TENM2: variants seen among roughly 807,000 people sequenced by gnomAD.
The protein encoded by TENM2 is teneurin transmembrane protein 2, also known as teneurin-2.
Under a neutral mutation model 245.2 loss-of-function variants are expected in TENM2, and 52 were observed. That is an observed-to-expected ratio of 0.21 (90% CI 0.17 to 0.27). The LOEUF is 0.27. Ranked by LOEUF, TENM2 falls within the 10% of genes least tolerant of loss-of-function variation. The probability of loss-of-function intolerance (pLI) is 1.00; values close to 1 mark genes in which losing one functional copy is unlikely to be tolerated. For synonymous variants in TENM2, 1,363 were observed against 1,438.9 expected (o/e 0.95, Z 1.19); for missense variants, 3,046 against 3,666.8 (o/e 0.83, Z 4.37).
chr5:167,017,004 G>A, the TENM2 span, among the ~76,000 whole-genome samples: 1 of 152,272 alleles, frequency 6.6e-6, no homozygotes, highest in Middle Eastern at 3.4e-3. Flanking sequence ...CTAGCAAGAG[G>A]GAAGGGAATT....
At chr5:167,098,773 A>G in the TENM2 span, among the ~76,000 whole-genome samples, 1 of 152,230 alleles carries the variant, frequency 6.6e-6, no homozygotes, top group Non-Finnish European at 1.5e-5. Flanking sequence ...ACAGAAACCA[A>G]AGTGATGCAC....
At chr5:167,914,342 C>A (rs930674094) in intron 3 of TENM2, among the ~76,000 whole-genome samples, 1 of 152,198 alleles carries the variant, frequency 6.6e-6, no homozygotes, top group Non-Finnish European at 1.5e-5. Flanking sequence ...CCAAAGGACG[C>A]CTGCATTCCT....
At chr5:168,035,046 A>G (rs1032842544) in intron 5 of TENM2, among the ~76,000 whole-genome samples, 9 of 152,238 alleles carry the variant, frequency 5.9e-5, no homozygotes, top group Admixed American at 2.0e-4. Flanking sequence ...GCTGTTAACT[A>G]TAAAATACAA....
intron 2 of TENM2, among the ~76,000 whole-genome samples, chr5:167,806,198 A>G (rs917023364): frequency 2.0e-5 from 3 of 152,158 alleles, no homozygotes; most frequent in Admixed American, 6.6e-5. Context: ...TTTAAAAGAA[A>G]TTTGTAAAAG....
intron 2 of TENM2, among the ~76,000 whole-genome samples, chr5:167,816,011 T>TGTGTG (rs1554124102): frequency 6.7e-6 from 1 of 150,362 alleles, no homozygotes; most frequent in East Asian, 2.0e-4. Context: ...TGTGTGTGTG[T>TGTGTG]TTCTCCTCTG....
chr5:167,430,760 G>A (rs759462846), intron 2 of TENM2, among the ~76,000 whole-genome samples: 31 of 152,160 alleles, frequency 2.0e-4, no homozygotes, highest in Admixed American at 1.7e-3. Flanking sequence ...AAACTCTACT[G>A]TGACAGCTCT....
At chr5:167,498,946 G>T (rs1768997778) in intron 2 of TENM2, among the ~76,000 whole-genome samples, 1 of 152,032 alleles carries the variant, frequency 6.6e-6, no homozygotes, top group Admixed American at 6.6e-5. Context: ...GTTAAGAACT[G>T]CATTTACAAT....
the TENM2 span, among the ~76,000 whole-genome samples, chr5:167,094,233 A>G: frequency 6.6e-5 from 10 of 152,224 alleles, no homozygotes; most frequent in South Asian, 1.2e-3. Flanking sequence ...AAAATGTACA[A>G]TTTGGTAAGT....
At chr5:167,022,454 A>G in the TENM2 span, among the ~76,000 whole-genome samples, 2 of 152,228 alleles carry the variant, frequency 1.3e-5, no homozygotes, top group Non-Finnish European at 2.9e-5. Context: ...AATATATCCC[A>G]TACAATGTCT....
At chr5:168,013,065 C>T (rs1012049125) in intron 5 of TENM2, among the ~76,000 whole-genome samples, 1 of 152,086 alleles carries the variant, frequency 6.6e-6, no homozygotes. Flanking sequence ...ATTATTTGCC[C>T]CTCTTACCAG....
intron 5 of TENM2, among the ~76,000 whole-genome samples, chr5:168,023,007 A>C (rs1294480987): frequency 1.3e-5 from 2 of 152,142 alleles, no homozygotes; most frequent in Non-Finnish European, 2.9e-5. Flanking sequence ...TAAGCAATGG[A>C]AGAAGTTTGC....
chr5:167,657,592 G>T (rs1399428327), intron 2 of TENM2, among the ~76,000 whole-genome samples: 3 of 152,116 alleles, frequency 2.0e-5, no homozygotes, highest in Admixed American at 6.5e-5. Flanking sequence ...GAAGCATAAA[G>T]CTTAATACAA....
intron 5 of TENM2, among the ~76,000 whole-genome samples, chr5:168,023,389 C>T (rs762621264): frequency 2.0e-5 from 3 of 152,236 alleles, no homozygotes; most frequent in Non-Finnish European, 2.9e-5. Flanking sequence ...GGAAGATGAG[C>T]GCCTGAGCTG....
chr5:167,714,599 G>T (rs1240457986), intron 2 of TENM2, among the ~76,000 whole-genome samples: 1 of 152,120 alleles, frequency 6.6e-6, no homozygotes, highest in Non-Finnish European at 1.5e-5. Context: ...ACAAACCAAT[G>T]GCATGGAAGC....
intron 5 of TENM2, among the ~76,000 whole-genome samples, chr5:168,011,396 TA>T (rs1785210762): frequency 6.6e-6 from 1 of 152,144 alleles, no homozygotes; most frequent in Non-Finnish European, 1.5e-5. Flanking sequence ...ATGCTACCAG[TA>T]TGTAGCAAGC....
chr5:167,776,619 A>C (rs1219986872), intron 2 of TENM2, among the ~76,000 whole-genome samples: 1 of 80,050 alleles, frequency 1.2e-5, no homozygotes, highest in African/African-American at 5.6e-5. Context: ...AAAAAAAAAA[A>C]AAAAAAACCA....
At chr5:167,254,294 A>G in the TENM2 span, among the ~76,000 whole-genome samples, 2 of 152,160 alleles carry the variant, frequency 1.3e-5, no homozygotes, top group East Asian at 1.9e-4. Context: ...GCCTCATTCA[A>G]AGTCTTCAAA....
intron 2 of TENM2, among the ~76,000 whole-genome samples, chr5:167,764,351 C>T (rs954988828): frequency 2.0e-5 from 3 of 152,078 alleles, no homozygotes; most frequent in Non-Finnish European, 2.9e-5. Flanking sequence ...CTGTTTTTTC[C>T]ATCATAGTGC....
chr5:168,018,553 G>C (rs959108915), intron 5 of TENM2, among the ~76,000 whole-genome samples: 1 of 152,058 alleles, frequency 6.6e-6, no homozygotes, highest in African/African-American at 2.4e-5. Context: ...TGGGGTGGAG[G>C]GGGACAGTTT....
Sources: gnomAD v4.1 joint callset for allele counts (sites outside exome capture counted in the v4.1 genomes callset) on GRCh38, gnomAD v4.1.1 for gene constraint, MANE v1.5 for transcripts, NCBI Gene and HGNC (gene_info 2026-07-23, HGNC 2026-07-21) for gene names.